QKI: variants seen among roughly 807,000 people sequenced by gnomAD.
QKI encodes QKI, KH domain containing RNA binding.
In QKI, 10 loss-of-function variants were observed where a neutral mutation model predicts 39.0. The observed-to-expected ratio is 0.26, with a 90% CI of 0.16 to 0.43. QKI has a LOEUF of 0.43. Ranked by LOEUF, QKI falls within the 20% of genes least tolerant of loss-of-function variation. The probability of loss-of-function intolerance (pLI) is 1.00; values close to 1 mark genes in which losing one functional copy is unlikely to be tolerated. For synonymous variants in QKI, 204 were observed against 155.4 expected (o/e 1.31, Z -2.33); for missense variants, 218 against 428.0 (o/e 0.51, Z 4.33).
intron 4 of QKI, among the ~76,000 whole-genome samples, chr6:163,560,722 G>A (rs767613568): frequency 6.6e-6 from 1 of 152,180 alleles, no homozygotes; most frequent in Non-Finnish European, 1.5e-5. Flanking sequence ...TTTTTAGATA[G>A]TAAGAAACCA....
chr6:163,530,224 C>T (rs929841441), intron 3 of QKI, among the ~76,000 whole-genome samples: 5 of 152,148 alleles, frequency 3.3e-5, no homozygotes, highest in African/African-American at 1.2e-4. Flanking sequence ...ACGAATGCCT[C>T]GTAGAACACA....
chr6:163,530,579 C>T lies in QKI; in HGVS notation c.403-4403C>T, dbSNP rs528810383. ...CTGCAAACTCACTGAAGGAATTTAA[C>T]TCTTCTTGAGCTGGAATGGACTACA... On this transcript the variant is annotated intron_variant, in intron 3 of 7. Coordinates refer to ENST00000361752, the MANE Select transcript of QKI (RefSeq NM_006775.3). Among the ~76,000 whole-genome samples, 7 of 152,308 alleles carry T rather than the reference C, an allele frequency of 4.6e-5. No homozygotes were observed. In the South Asian group the frequency reaches 1.4e-3, roughly 32 times the overall value.
chr6:163,428,482 G>A (rs1241116845), intron 1 of QKI, among the ~76,000 whole-genome samples: 1 of 152,108 alleles, frequency 6.6e-6, no homozygotes, highest in Non-Finnish European at 1.5e-5. Context: ...GTTATATGAA[G>A]AGAAAGTTCT....
chr6:163,447,174 T>C (rs1423459978), intron 1 of QKI, among the ~76,000 whole-genome samples: 1 of 151,930 alleles, frequency 6.6e-6, no homozygotes. Flanking sequence ...CTTGGTCCAG[T>C]TTCTTTTATT....
At chr6:163,496,027 G>T (rs889708793) in intron 3 of QKI, among the ~76,000 whole-genome samples, 15 of 152,050 alleles carry the variant, frequency 9.9e-5, no homozygotes, top group African/African-American at 3.4e-4. Context: ...AATGTCTTTT[G>T]TCCAATTTTC....
At chr6:163,553,980 G>A (rs907260124) in intron 4 of QKI, among the ~76,000 whole-genome samples, 1 of 152,154 alleles carries the variant, frequency 6.6e-6, no homozygotes, top group Non-Finnish European at 1.5e-5. Flanking sequence ...AAAGGAGAAA[G>A]ACAGGCTGTA....
At chr6:163,564,635 A>G in intron 6 of QKI, 1 of 1,613,914 alleles carries the variant, frequency 6.2e-7, no homozygotes, top group Non-Finnish European at 8.5e-7. Flanking sequence ...GGTGTGCTCG[A>G]AAAAGACATT....
At chr6:163,426,185 T>C (rs1193680933) in intron 1 of QKI, among the ~76,000 whole-genome samples, 1 of 152,200 alleles carries the variant, frequency 6.6e-6, no homozygotes, top group Non-Finnish European at 1.5e-5. Context: ...AACCAGAATC[T>C]TACTCAATAC....
intron 3 of QKI, among the ~76,000 whole-genome samples, chr6:163,516,563 G>A (rs1401403975): frequency 1.3e-5 from 2 of 152,190 alleles, no homozygotes; most frequent in African/African-American, 4.8e-5. Context: ...AAAGTGCTGG[G>A]ATTACAGGCG....
chr6:163,420,447 C>T (rs1787908378), intron 1 of QKI, among the ~76,000 whole-genome samples: 1 of 152,032 alleles, frequency 6.6e-6, no homozygotes, highest in Admixed American at 6.6e-5. Flanking sequence ...CACTGAGCAA[C>T]TTTCTGCTAT....
chr6:163,478,189 A>G (rs1302287299), intron 2 of QKI, among the ~76,000 whole-genome samples: 1 of 152,148 alleles, frequency 6.6e-6, no homozygotes, highest in Non-Finnish European at 1.5e-5. Context: ...TCACTGGCCT[A>G]TTTAGTGATA....
chr6:163,495,010 G>A (rs1408491515), intron 3 of QKI, among the ~76,000 whole-genome samples: 1 of 151,818 alleles, frequency 6.6e-6, no homozygotes, highest in African/African-American at 2.4e-5. Context: ...CTGCCTCCTG[G>A]GTTCAGGCGA....
At chr6:163,473,274 G>A (rs1023463462) in intron 2 of QKI, among the ~76,000 whole-genome samples, 1 of 152,108 alleles carries the variant, frequency 6.6e-6, no homozygotes, top group African/African-American at 2.4e-5. Context: ...GGGGAAAGGG[G>A]CTCTAAGAGA....
At chr6:163,425,344 A>G (rs1788327238) in intron 1 of QKI, among the ~76,000 whole-genome samples, 1 of 152,230 alleles carries the variant, frequency 6.6e-6, no homozygotes, top group Non-Finnish European at 1.5e-5. Flanking sequence ...TAGAGACTAC[A>G]GAAAGCAGAC....
intron 7 of QKI, 144 bp downstream of exon 7, chr6:163,566,939 A>G: frequency 7.0e-7 from 1 of 1,431,890 alleles, no homozygotes; most frequent in Non-Finnish European, 9.1e-7. Context: ...GATCATTGAC[A>G]GATTTAAGGG....
At chr6:163,559,548 G>A (rs1164741378) in intron 4 of QKI, among the ~76,000 whole-genome samples, 1 of 151,890 alleles carries the variant, frequency 6.6e-6, no homozygotes, top group East Asian at 1.9e-4. Flanking sequence ...CTTACTTTTT[G>A]TTCATCTTTG....
At chr6:163,422,817 T>C (rs551411973) in intron 1 of QKI, among the ~76,000 whole-genome samples, 6 of 152,340 alleles carry the variant, frequency 3.9e-5, no homozygotes, top group African/African-American at 1.4e-4. Context: ...GCTTTTGCTT[T>C]AGTGCAGGAG....
intron 3 of QKI, among the ~76,000 whole-genome samples, chr6:163,518,218 A>C (rs1779949290): frequency 6.6e-6 from 1 of 152,152 alleles, no homozygotes; most frequent in African/African-American, 2.4e-5. Context: ...ACTCACATCC[A>C]CGGAAGGTAG....
At chr6:163,504,105 A>G (rs1778951463) in intron 3 of QKI, among the ~76,000 whole-genome samples, 1 of 152,090 alleles carries the variant, frequency 6.6e-6, no homozygotes, top group Non-Finnish European at 1.5e-5. Context: ...GTGGCTAGCC[A>G]GCTCTCCCAG....
Sources: allele counts gnomAD v4.1 joint callset (sites outside exome capture counted in the v4.1 genomes callset), GRCh38; gene constraint gnomAD v4.1.1; transcripts MANE v1.5; gene names NCBI Gene and HGNC (gene_info 2026-07-23, HGNC 2026-07-21).